Variants in HUNK observed in about 807,000 individuals in gnomAD.
HUNK encodes the protein hormonally up-regulated neu tumor-associated kinase.
A neutral mutation model predicts 61.0 loss-of-function variants in HUNK; 21 were observed. That is an observed-to-expected ratio of 0.34 (90% CI 0.24 to 0.50). The LOEUF (loss-of-function observed/expected upper bound fraction) is 0.50, where lower values mean the gene tolerates loss of function less well. Ranked by LOEUF, HUNK falls within the 20% of genes least tolerant of loss-of-function variation. The pLI, the probability that HUNK is intolerant of heterozygous loss-of-function variation, is 0.98. For synonymous variants in HUNK, 371 were observed against 386.1 expected, an observed-to-expected ratio of 0.96 and a Z score of 0.46; for missense variants, 772 against 945.7, an observed-to-expected ratio of 0.82 and a Z score of 2.41.
At chr21:31,890,145 GC>G in intron 1 of HUNK, among the ~76,000 whole-genome samples, 1 of 151,986 alleles carries the variant, frequency 6.6e-6, no homozygotes. Flanking sequence ...CTAAATCATG[GC>G]CACTTATACA....
intron 8 of HUNK, among the ~76,000 whole-genome samples, chr21:31,989,903 A>C (rs191895738): frequency 3.3e-5 from 5 of 152,050 alleles, no homozygotes; most frequent in Non-Finnish European, 7.4e-5. Flanking sequence ...GCACTCCTCC[A>C]TACGGCATCT....
chr21:31,903,386 G>A (rs938918479), intron 1 of HUNK, among the ~76,000 whole-genome samples: 2 of 151,958 alleles, frequency 1.3e-5, no homozygotes, highest in African/African-American at 4.8e-5. Flanking sequence ...TGCTGCGTGT[G>A]TATATTTCAT....
intron 6 of HUNK, 29 bp downstream of exon 6, chr21:31,968,414 CG>C: frequency 6.2e-7 from 1 of 1,613,164 alleles, no homozygotes; most frequent in Non-Finnish European, 8.5e-7. Context: ...AGGAACTCCT[CG>C]GGAGAGACGG....
chr21:31,875,624 G>A (rs1365493013), intron 1 of HUNK, among the ~76,000 whole-genome samples: 2 of 152,196 alleles, frequency 1.3e-5, no homozygotes, highest in African/African-American at 4.8e-5. Flanking sequence ...TCCGTTCAGG[G>A]CGCGAGGATG....
In HUNK at chr21:31,998,872, C is replaced by G; in HGVS notation, c.1833C>G (p.Leu611=). 3.7e-6 allele frequency: 6 copies of G among 1,614,240 alleles called. No individual in the cohort carries two copies. Among genetic ancestry groups the G allele is most frequent in the Non-Finnish European group, 5.1e-6 (6 of 1,180,052 alleles). ...TGCCATCCGGAAGCATGTCGCCTCTCCATACTCCTTTGCATCCAACTCTGG... is the reference window on the plus strand; with the variant it reads ...TGCCATCCGGAAGCATGTCGCCTCTGCATACTCCTTTGCATCCAACTCTGG... ...PGLPSGSMSP[L]HTPLHPTLVS... Residue 611 remains leucine (L), a synonymous_variant, in exon 11 of 11, where the codon CTC becomes CTG. Transcript: ENST00000270112.
intron 2 of HUNK, among the ~76,000 whole-genome samples, chr21:31,930,733 G>A (rs1475187598): frequency 3.3e-5 from 5 of 152,204 alleles, no homozygotes; most frequent in African/African-American, 1.2e-4. Context: ...TGGGATGGAA[G>A]CTTTCTGGTA....
chr21:31,892,816 A>G (rs1316530543), intron 1 of HUNK, among the ~76,000 whole-genome samples: 1 of 152,098 alleles, frequency 6.6e-6, no homozygotes, highest in Non-Finnish European at 1.5e-5. Context: ...GAGGACCGCG[A>G]TGCCTCTCTG....
intron 1 of HUNK, among the ~76,000 whole-genome samples, chr21:31,886,440 A>G (rs1249234187): frequency 4.1e-5 from 6 of 145,094 alleles, no homozygotes; most frequent in African/African-American, 1.5e-4. Context: ...AAAAAAAAAG[A>G]CCCCTCATAT....
chr21:31,976,769 CTTT>C (rs398036366), intron 7 of HUNK, among the ~76,000 whole-genome samples: 1 of 136,854 alleles, frequency 7.3e-6, no homozygotes, highest in Non-Finnish European at 1.6e-5. Flanking sequence ...ACCTGGCCCT[CTTT>C]TTTTTTTTTT....
intron 1 of HUNK, among the ~76,000 whole-genome samples, chr21:31,912,195 G>T (rs1440493521): frequency 6.6e-6 from 1 of 152,168 alleles, no homozygotes; most frequent in African/African-American, 2.4e-5. Flanking sequence ...TCCAGGGCAT[G>T]CTGATGGAGC....
chr21:31,975,812 A>G (rs147466173), intron 7 of HUNK, among the ~76,000 whole-genome samples: 2,731 of 152,298 alleles, frequency 0.018, 81 homozygotes, highest in African/African-American at 0.062. Flanking sequence ...CATGGTGGAG[A>G]TGACCAAATT....
In HUNK at chr21:31,946,075, C is replaced by T. The variant is rs773621924; in HGVS notation, c.650C>T (p.Ser217Leu). 5 of 1,612,090 alleles carry T rather than the reference C, an allele frequency of 3.1e-6. No homozygotes were observed. Among genetic ancestry groups the T allele is most frequent in the East Asian group, 2.2e-5 (1 of 44,822 alleles). The change falls in exon 4 of 11, where the codon TCG (serine) becomes TTG (leucine). Residue 217 changes from serine (S) to leucine (L), a missense_variant. Coordinates refer to ENST00000270112, the MANE Select transcript of HUNK (RefSeq NM_014586.2). ...AACTGCGCAGGGATCCTGGGTTACT[C>T]GGATCCGTTCAGCACACAGTGTGGC... The part of the protein sequence containing the change: ...LSNCAGILGY[S>L]DPFSTQCGSP...
intron 1 of HUNK, among the ~76,000 whole-genome samples, chr21:31,910,946 C>T (rs577473814): frequency 1.3e-5 from 2 of 152,288 alleles, no homozygotes; most frequent in African/African-American, 2.4e-5. Flanking sequence ...ACTTGGCATG[C>T]GGCAAATTCA....
intron 1 of HUNK, among the ~76,000 whole-genome samples, chr21:31,897,357 G>T (rs1460095338): frequency 6.6e-6 from 1 of 152,186 alleles, no homozygotes; most frequent in Non-Finnish European, 1.5e-5. Context: ...AAGGTGAGTT[G>T]GTTCCCTCCG....
chr21:31,946,469 C>T (rs554969149), intron 4 of HUNK, among the ~76,000 whole-genome samples: 2 of 152,264 alleles, frequency 1.3e-5, no homozygotes, highest in East Asian at 3.9e-4. Flanking sequence ...ATCCTCCTGC[C>T]CTTAGCTTCC....
chr21:31,947,206 C>G (rs2052811943), intron 4 of HUNK, among the ~76,000 whole-genome samples: 1 of 151,720 alleles, frequency 6.6e-6, no homozygotes, highest in African/African-American at 2.4e-5. Context: ...TTCCCACATC[C>G]CAGTCTCAAG....
At position 31,998,888 on chromosome 21, in the gene HUNK, C is replaced by A. The variant is rs566122950; in HGVS notation, c.1849C>A (p.Pro617Thr). ...SMSPLHTPLHPTLVSFAHEDK... is the reference protein window; with the variant it reads ...SMSPLHTPLHTTLVSFAHEDK... ...GTCGCCTCTCCATACTCCTTTGCATCCAACTCTGGTCTCTTTTGCTCACGA... is the reference window on the plus strand; with the variant it reads ...GTCGCCTCTCCATACTCCTTTGCATACAACTCTGGTCTCTTTTGCTCACGA... The change falls in exon 11 of 11, where the codon CCA (proline) becomes ACA (threonine). Residue 617 changes from proline (P) to threonine (T), a missense_variant. By Grantham distance (38) the Pro-to-Thr change is conservative (BLOSUM62 -1). Transcript: ENST00000270112. 1.7e-5 allele frequency: 28 copies of A among 1,614,212 alleles called. 1 individual carries two copies. In the South Asian group the frequency reaches 3.0e-4, roughly 17 times the overall value.
At position 32,001,698 on chromosome 21, in the gene HUNK, G is replaced by A. The variant is rs1008181611; in HGVS notation, c.*2514G>A. On this transcript the variant is annotated 3_prime_UTR_variant, in exon 11 of 11. Coordinates refer to ENST00000270112, the MANE Select transcript of HUNK (RefSeq NM_014586.2). ...GAGCACCTGACAAATCTATGAAACC[G>A]AGTGAAAGGAGAAATGTTAGATTCT... 7.9e-5 allele frequency: 12 copies of A among 152,494 alleles called. No homozygotes were observed. The highest frequency in any genetic ancestry group is 2.1e-4 in the South Asian group (1 of 4,814). The allele number at this position is 152,494 out of a possible 1,614,324, so 9.4% of individuals were successfully genotyped here.
intron 4 of HUNK, among the ~76,000 whole-genome samples, chr21:31,958,456 G>A (rs1054162932): frequency 1.3e-5 from 2 of 152,020 alleles, no homozygotes; most frequent in African/African-American, 2.4e-5. Context: ...CCGCCACCAC[G>A]CCTGGCTAAT....
Sources: allele counts gnomAD v4.1 joint callset (sites outside exome capture counted in the v4.1 genomes callset), GRCh38; gene constraint gnomAD v4.1.1; transcripts MANE v1.5; gene names NCBI Gene and HGNC (gene_info 2026-07-23, HGNC 2026-07-21).